The following ARHGAP1 variants were observed in gnomAD, a reference collection of about 807,000 sequenced individuals.
The protein encoded by ARHGAP1 is rho GTPase-activating protein 1.
ARHGAP1 carries 23 observed loss-of-function variants against 52.2 expected under a neutral mutation model. The ratio of observed to expected loss-of-function variants is 0.44; its 90% CI spans 0.32 to 0.62. The LOEUF is 0.62. ARHGAP1 is among the 20% of genes least tolerant of loss of function. ARHGAP1 has a pLI of 0.05. For synonymous variants in ARHGAP1, 210 were observed against 228.4 expected, an observed-to-expected ratio of 0.92 and a Z score of 0.73; for missense variants, 480 against 560.9, an observed-to-expected ratio of 0.86 and a Z score of 1.46.
intron 3 of ARHGAP1, among the ~76,000 whole-genome samples, chr11:46,690,355 C>G (rs2064602728): frequency 6.6e-6 from 1 of 151,254 alleles, no homozygotes; most frequent in South Asian, 2.1e-4. Context: ...CCACTGCACT[C>G]CAGCCTGGGT....
chr11:46,678,074 C>T lies in ARHGAP1; in HGVS notation c.*963G>A, dbSNP rs2064494117. The stretch of plus-strand genomic sequence containing the variant: ...CGGGCACTCTTAGTCTCTACCCCAG[C>T]CCCTTTAAGAGTCCCCCAGCTGGAG... On this transcript the variant is annotated 3_prime_UTR_variant, in exon 13 of 13. Coordinates refer to ENST00000311956, the MANE Select transcript of ARHGAP1 (RefSeq NM_004308.5). The T allele has an allele frequency of 3.1e-6, 1 of 320,264 alleles. No homozygotes were observed. Among genetic ancestry groups the T allele is most frequent in the Non-Finnish European group, 6.1e-6 (1 of 163,232 alleles). The allele number at this position is 320,264 out of a possible 1,614,324, so 19.8% of individuals were successfully genotyped here.
chr11:46,695,904 C>T, intron 2 of ARHGAP1, 71 bp downstream of exon 2: 1 of 1,610,110 alleles, frequency 6.2e-7, no homozygotes, highest in East Asian at 2.2e-5. Flanking sequence ...CTCCTGGCGT[C>T]TCCCTTCAGC....
intron 4 of ARHGAP1, among the ~76,000 whole-genome samples, chr11:46,685,216 CT>C (rs201809171): frequency 9.4e-4 from 137 of 145,104 alleles, no homozygotes; most frequent in Admixed American, 1.7e-3. Flanking sequence ...TGTGGGAGAC[CT>C]TTTTTTTTTC....
At position 46,681,797 on chromosome 11, in the gene ARHGAP1, T is replaced by C. The variant is rs928684799; in HGVS notation, c.449+254A>G. Among the ~76,000 whole-genome samples, 8 of 152,324 alleles carry C rather than the reference T, an allele frequency of 5.3e-5. No individual in the cohort carries two copies. The South Asian group carries it at 1.7e-3, about 32-fold the overall frequency. ...ATGCGAGGTAAGGGCCATCACTGTC[T>C]CATTTTACAGATTAGAAAACAGGAG... is the stretch of plus-strand genomic sequence containing the variant. On this transcript the variant is annotated intron_variant, in intron 5 of 12. Coordinates refer to ENST00000311956, the MANE Select transcript of ARHGAP1 (RefSeq NM_004308.5). The surrounding 1 kb of genome is among the most constrained non-coding windows in gnomAD (Gnocchi z 5.7).
At chr11:46,695,477 A>C (rs1218856848) in intron 3 of ARHGAP1, 183 bp downstream of exon 3, 2 of 704,680 alleles carry the variant, frequency 2.8e-6, no homozygotes, top group Non-Finnish European at 5.2e-6. Context: ...CAAAGAGCAG[A>C]GCTGGAGATC....
chr11:46,688,818 C>T (rs1742309956), intron 3 of ARHGAP1, among the ~76,000 whole-genome samples: 1 of 151,634 alleles, frequency 6.6e-6, no homozygotes, highest in Non-Finnish European at 1.5e-5. Context: ...CGCGGTGGCT[C>T]ACGCCTGTAA....
intron 4 of ARHGAP1, among the ~76,000 whole-genome samples, chr11:46,685,161 C>T (rs1388131332): frequency 6.7e-6 from 1 of 148,402 alleles, no homozygotes; most frequent in Non-Finnish European, 1.5e-5. Context: ...TAGGAAATGA[C>T]TACACAAAAA....
At chr11:46,694,425 G>A (rs566967936) in intron 3 of ARHGAP1, among the ~76,000 whole-genome samples, 24 of 152,096 alleles carry the variant, frequency 1.6e-4, no homozygotes, top group African/African-American at 2.2e-4. Context: ...GAGCCAGGAC[G>A]GACACCTACC....
At chr11:46,700,088 T>G (rs1022947250) in intron 1 of ARHGAP1, among the ~76,000 whole-genome samples, 1 of 152,098 alleles carries the variant, frequency 6.6e-6, no homozygotes, top group African/African-American at 2.4e-5. Context: ...GAGAATCGCT[T>G]GAATCCGGGA....
In ARHGAP1 at chr11:46,698,851, A is replaced by G. The variant is rs1267079519; in HGVS notation, c.-50+1700T>C. Reference sequence around the variant, plus strand: ...GCCCCTCCCACTACCCCCAACCCACAGTTTAACTTCTGAGCCTGGAAGTTA... The same window carrying G: ...GCCCCTCCCACTACCCCCAACCCACGGTTTAACTTCTGAGCCTGGAAGTTA... On this transcript the variant is annotated intron_variant, in intron 1 of 12. Transcript: ENST00000311956. Among the ~76,000 whole-genome samples, 3 of 152,138 alleles carry G rather than the reference A, an allele frequency of 2.0e-5. No individual in the cohort carries two copies. In the East Asian group the frequency reaches 5.8e-4, roughly 29 times the overall value.
intron 4 of ARHGAP1, among the ~76,000 whole-genome samples, chr11:46,683,841 T>C (rs1298814359): frequency 2.6e-5 from 4 of 152,172 alleles, no homozygotes; most frequent in Non-Finnish European, 5.9e-5. Context: ...GGTTTCTCCA[T>C]GTTCGTCAGG....
rs183134366 is a variant in ARHGAP1, at chr11:46,679,121, G to A, written c.1236C>T (p.Ala412=). 1.4e-5 allele frequency: 22 copies of A among 1,614,176 alleles called. No homozygotes were observed. The Admixed American group carries it at 2.8e-4, about 21-fold the overall frequency. The change falls in exon 13 of 13, where the codon GCC becomes GCT. Residue 412 remains alanine (A), a synonymous_variant. Coordinates refer to ENST00000311956, the MANE Select transcript of ARHGAP1 (RefSeq NM_004308.5). The surrounding 1 kb of genome is among the most constrained non-coding windows in gnomAD (Gnocchi z 4.4). The part of the protein sequence containing the change: ...WAKDAAITLK[A]INPINTFTKF... The stretch of plus-strand genomic sequence containing the variant: ...TGGTGAAGGTGTTGATGGGATTAAT[G>A]GCCTTGAGGGTGATGGCCGCATCCT...
intron 4 of ARHGAP1, among the ~76,000 whole-genome samples, chr11:46,684,577 AT>A (rs2064554053): frequency 1.3e-5 from 2 of 152,204 alleles, no homozygotes; most frequent in African/African-American, 2.4e-5. Flanking sequence ...CTCACAGGAC[AT>A]TTCTGCAGAC....
chr11:46,682,143 G>A lies in ARHGAP1; in HGVS notation c.357C>T (p.Asp119=). 8 of 1,614,188 alleles carry A rather than the reference G, an allele frequency of 5.0e-6. No homozygotes were observed. The highest frequency in any genetic ancestry group is 6.8e-6 in the Non-Finnish European group (8 of 1,180,020). ...KHTLDQYVES[D]YTLLYLHHGL... ...CGTGGTGCAGATACAGAAGTGTGTAGTCACTCTCCACGTACTGGTCCAGGG... is the reference window on the plus strand; with the variant it reads ...CGTGGTGCAGATACAGAAGTGTGTAATCACTCTCCACGTACTGGTCCAGGG... The change falls in exon 5 of 13, where the codon GAC becomes GAT. Residue 119 remains aspartate (D), a synonymous_variant. Transcript: ENST00000311956.
At chr11:46,684,819 G>A (rs557807709) in intron 4 of ARHGAP1, among the ~76,000 whole-genome samples, 3 of 152,188 alleles carry the variant, frequency 2.0e-5, no homozygotes, top group Non-Finnish European at 4.4e-5. Flanking sequence ...TGGGTGTGGT[G>A]CCTCACGCCT....
intron 3 of ARHGAP1, among the ~76,000 whole-genome samples, chr11:46,693,582 A>G (rs1404728552): frequency 6.6e-6 from 1 of 151,572 alleles, no homozygotes; most frequent in Non-Finnish European, 1.5e-5. Flanking sequence ...ATTTATTGTT[A>G]TTATTTTTGT....
chr11:46,699,007 C>A (rs1029237670), intron 1 of ARHGAP1, among the ~76,000 whole-genome samples: 1 of 152,218 alleles, frequency 6.6e-6, no homozygotes. Context: ...GCAAAATACA[C>A]CCAACTCTGA....
At chr11:46,699,355 C>G (rs1483131656) in intron 1 of ARHGAP1, among the ~76,000 whole-genome samples, 1 of 152,172 alleles carries the variant, frequency 6.6e-6, no homozygotes, top group Non-Finnish European at 1.5e-5. Flanking sequence ...GACACAAACT[C>G]AACCTCACGA....
Position 46,680,186 on chromosome 11 carries a change from A to G in ARHGAP1, c.898+19T>C, listed in dbSNP as rs1035332080. 6.2e-7 allele frequency: 1 copy of G among 1,613,298 alleles called. No homozygotes were observed. Among genetic ancestry groups the G allele is most frequent in the African/African-American group, 1.3e-5 (1 of 74,902 alleles). ...CCAGTAACACACATATGGCCCTGCAACAGCCCAGGGCTGCTCACCCATGTT... is the reference window on the plus strand; with the variant it reads ...CCAGTAACACACATATGGCCCTGCAGCAGCCCAGGGCTGCTCACCCATGTT... On this transcript the variant is annotated intron_variant, in intron 10 of 12. Coordinates refer to ENST00000311956, the MANE Select transcript of ARHGAP1 (RefSeq NM_004308.5). This position sits in a 1 kb window ranked among gnomAD's most constrained non-coding sequence, Gnocchi z 5.9.
Sources: gnomAD v4.1 joint callset for allele counts (sites outside exome capture counted in the v4.1 genomes callset) on GRCh38, gnomAD v4.1.1 for gene constraint, Gnocchi (gnomAD v3.1) non-coding constraint, MANE v1.5 for transcripts, NCBI Gene and HGNC (gene_info 2026-07-23, HGNC 2026-07-21) for gene names.